The following KCP variants were observed in gnomAD, a reference collection of about 807,000 sequenced individuals.
KCP encodes the protein kielin/chordin-like protein.
In KCP, 194 loss-of-function variants were observed where a neutral mutation model predicts 212.7. The ratio of observed to expected loss-of-function variants is 0.91; its 90% CI spans 0.81 to 1.03. KCP has a LOEUF of 1.03. Among genes scored for constraint, KCP ranks in the 50% least tolerant of loss-of-function variants. KCP has a pLI of 0.00. For synonymous variants in KCP, 833 were observed against 865.3 expected (o/e 0.96, Z 0.65); for missense variants, 2,080 against 2,162.5 (o/e 0.96, Z 0.76).
intron 16 of KCP, 97 bp downstream of exon 16, chr7:128,892,417 G>A (rs1467744683): frequency 2.4e-5 from 20 of 850,100 alleles, no homozygotes; most frequent in Non-Finnish European, 3.4e-5. Flanking sequence ...CAATTCAGAA[G>A]GCCATTGCTT....
chr7:128,886,854 G>T, intron 24 of KCP, 22 bp downstream of exon 24: 1 of 1,463,970 alleles, frequency 6.8e-7, no homozygotes, highest in Non-Finnish European at 9.3e-7. Flanking sequence ...CATGGGGGCC[G>T]CGCATGAGGA....
intron 27 of KCP, 30 bp downstream of exon 27, chr7:128,885,067 C>T: frequency 1.3e-6 from 2 of 1,550,410 alleles, no homozygotes; most frequent in Non-Finnish European, 1.7e-6. Flanking sequence ...CCCTCCTCGC[C>T]TTTCCCCTCC....
chr7:128,890,393 G>A lies in KCP; in HGVS notation c.2285C>T (p.Pro762Leu). ...SVSCEPKACAPALCPFPARGD... is the reference protein window; with the variant it reads ...SVSCEPKACALALCPFPARGD... ...CCTGGCAGGGAAGGGGCACAGTGCA[G>A]GGGCACATGCCTTGGGCTCGCAGCT... The change falls in exon 21 of 40, where the codon CCT becomes CTT. Residue 762 changes from proline to leucine, a missense_variant. By Grantham distance (98) the Pro-to-Leu change is moderately conservative. Coordinates refer to ENST00000610776, the MANE Select transcript of KCP (RefSeq NM_001366122.1). 6.4e-7 allele frequency: 1 copy of A among 1,551,344 alleles called. No homozygotes were observed. The highest frequency in any genetic ancestry group is 8.7e-7 in the Non-Finnish European group (1 of 1,147,010).
At position 128,881,877 on chromosome 7, in the gene KCP, C is replaced by T. The variant is rs531892495; in HGVS notation, c.3324+60G>A. Reference sequence around the variant, plus strand: ...GCTGCTGCGGGAGAGGAGTGGCAGCCACAGCCCACAGAGAAGGAAGAAGAG... The same window carrying T: ...GCTGCTGCGGGAGAGGAGTGGCAGCTACAGCCCACAGAGAAGGAAGAAGAG... On this transcript the variant is annotated intron_variant, in intron 30 of 39. Coordinates refer to ENST00000610776, the MANE Select transcript of KCP (RefSeq NM_001366122.1). 1.7e-5 allele frequency: 25 copies of T among 1,499,556 alleles called. No homozygotes were observed. The South Asian group carries it at 2.8e-4, about 17-fold the overall frequency. 92.9% of individuals were successfully genotyped at this position (1,499,556 alleles called of 1,614,324 possible). A position where few individuals can be genotyped will look rare whatever the true frequency, so the allele number is the denominator to read the frequency against.
chr7:128,907,493 TCC>T, intron 2 of KCP, 40 bp from the exon 3 acceptor site: 1 of 1,346,470 alleles, frequency 7.4e-7, no homozygotes, highest in Non-Finnish European at 9.8e-7. Flanking sequence ...TGGCTCAGCT[TCC>T]CCCACCATCT....
Position 128,893,425 on chromosome 7 carries a change from T to C in KCP, c.1151A>G (p.Gln384Arg). The change falls in exon 12 of 40, where the codon CAA (glutamine) becomes CGA (arginine). Residue 384 changes from glutamine to arginine, a missense_variant. Gln to Arg is a conservative substitution (Grantham distance 43). Coordinates refer to ENST00000610776, the MANE Select transcript of KCP (RefSeq NM_001366122.1). ...GCAGCGGACACAGAGGCCCCGCTCT[T>C]GGAGTCTGAAGGTCTCCTGGCTCTG... ...QYQSQETFRL[Q>R]ERGLCVRCSC... The C allele has an allele frequency of 6.4e-7, 1 of 1,551,644 alleles. No individual in the cohort carries two copies. The highest frequency in any genetic ancestry group is 8.7e-7 in the Non-Finnish European group (1 of 1,146,956).
At chr7:128,888,610 CCAGACACACACACACACATA>C (rs1190662907) in intron 22 of KCP, among the ~76,000 whole-genome samples, 16 of 124,640 alleles carry the variant, frequency 1.3e-4, no homozygotes, top group Admixed American at 6.4e-4. Flanking sequence ...ACACACACAG[CCAGACACACACACACACATA>C]CAGACACACA....
intron 8 of KCP, among the ~76,000 whole-genome samples, chr7:128,898,021 C>T (rs1328186117): frequency 1.3e-5 from 2 of 151,988 alleles, no homozygotes; most frequent in East Asian, 1.9e-4. Flanking sequence ...GGTTGTTAGG[C>T]CTCCTAAATG....
At position 128,883,984 on chromosome 7, in the gene KCP, C is replaced by T. The variant is rs889833725; in HGVS notation, c.3244+18G>A. ...CCCTAACCTCATATCTCATCTACCC[C>T]CACATCCCTGGACTCACCGGCACAG... On this transcript the variant is annotated intron_variant, in intron 29 of 39. Coordinates refer to ENST00000610776, the MANE Select transcript of KCP (RefSeq NM_001366122.1). 3 of 1,545,452 alleles carry T rather than the reference C, an allele frequency of 1.9e-6. No homozygotes were observed. The highest frequency in any genetic ancestry group is 4.0e-5 in the Admixed American group (2 of 50,164).
chr7:128,907,000 C>T, intron 4 of KCP, 101 bp downstream of exon 4: 2 of 1,160,978 alleles, frequency 1.7e-6, no homozygotes, highest in Non-Finnish European at 2.4e-6. Context: ...GAGTGGCAGG[C>T]AGAGCCCATT....
At chr7:128,908,711 G>C in intron 1 of KCP, 143 bp from the exon 2 acceptor site, 1 of 900,876 alleles carries the variant, frequency 1.1e-6, no homozygotes. Flanking sequence ...ACCATCCAGG[G>C]CCGGGAAGCC....
chr7:128,880,397 A>G lies in KCP; in HGVS notation c.3748T>C (p.Ser1250Pro). ...RCQSQRCSPL[S>P]CGPDKAPALS... ...ATTGCGGCACTCACGGGGCCACACG[A>G]GAGCGGTGAGCAGCGCTGGCTCTGG... The change falls in exon 34 of 40, where the codon TCG (serine) becomes CCG (proline). Residue 1250 changes from serine to proline, a missense_variant. By Grantham distance (74) the Ser-to-Pro change is moderately conservative. Coordinates refer to ENST00000610776, the MANE Select transcript of KCP (RefSeq NM_001366122.1). 1 of 1,533,922 alleles carries G rather than the reference A, an allele frequency of 6.5e-7. No homozygotes were observed. The highest frequency in any genetic ancestry group is 8.8e-7 in the Non-Finnish European group (1 of 1,137,610).
At chr7:128,878,246 T>C (rs904297919) in intron 38 of KCP, among the ~76,000 whole-genome samples, 1 of 152,012 alleles carries the variant, frequency 6.6e-6, no homozygotes, top group East Asian at 1.9e-4. Flanking sequence ...TTAGTAGAGA[T>C]GGGGTTTCTC....
At chr7:128,906,754 G>A (rs1795138633) in intron 4 of KCP, among the ~76,000 whole-genome samples, 2 of 152,084 alleles carry the variant, frequency 1.3e-5, no homozygotes, top group South Asian at 2.1e-4. Context: ...AAGAGTGGGA[G>A]GTGATATAGG....
chr7:128,907,611 C>A (rs1325082037), intron 2 of KCP, among the ~76,000 whole-genome samples, 158 bp from the exon 3 acceptor site: 4 of 152,222 alleles, frequency 2.6e-5, no homozygotes, highest in African/African-American at 9.7e-5. Context: ...CAAACGATCA[C>A]CATTCTCAGG....
chr7:128,879,463 C>G, intron 37 of KCP, 59 bp downstream of exon 37: 1 of 1,426,442 alleles, frequency 7.0e-7, no homozygotes, highest in Non-Finnish European at 9.6e-7. Flanking sequence ...GATACAGAGG[C>G]CTAAACAGGA....
intron 7 of KCP, chr7:128,903,094 C>T (rs957198925): frequency 1.2e-5 from 7 of 566,726 alleles, no homozygotes; most frequent in African/African-American, 1.1e-4. Context: ...CATAGCCACA[C>T]CCATGTGCCC....
chr7:128,901,052 G>T (rs1043277460), intron 8 of KCP, among the ~76,000 whole-genome samples: 12 of 152,300 alleles, frequency 7.9e-5, no homozygotes, highest in African/African-American at 2.9e-4. Context: ...GATAACACAG[G>T]TTGCAGTAAA....
chr7:128,903,905 G>A, intron 6 of KCP, 85 bp from the exon 7 acceptor site: 1 of 1,384,056 alleles, frequency 7.2e-7, no homozygotes, highest in Non-Finnish European at 1.0e-6. Context: ...CTCGGAGGAG[G>A]GGGGCACAGG....
Sources: allele counts gnomAD v4.1 joint callset (sites outside exome capture counted in the v4.1 genomes callset), GRCh38; gene constraint gnomAD v4.1.1; transcripts MANE v1.5; gene names NCBI Gene and HGNC (gene_info 2026-07-23, HGNC 2026-07-21).